GDA: variants seen among roughly 807,000 people sequenced by gnomAD.
The protein encoded by GDA is cytoplasmic PSD-95 interactor.
GDA carries 18 observed loss-of-function variants against 59.6 expected under a neutral mutation model. That is an observed-to-expected ratio of 0.30 (90% CI 0.21 to 0.45). The LOEUF is 0.45. Ranked by LOEUF, GDA falls within the 20% of genes least tolerant of loss-of-function variation. The probability of loss-of-function intolerance (pLI) is 1.00; values close to 1 mark genes in which losing one functional copy is unlikely to be tolerated. For missense variants in GDA, 427 were observed against 552.3 expected (o/e 0.77, Z 2.27); for synonymous variants, 201 against 201.1 (o/e 1.00, Z 0.00).
Position 72,207,500 on chromosome 9 carries a change from T to C in GDA, c.385-3187T>C, listed in dbSNP as rs1232525865. Among the ~76,000 whole-genome samples, 3 of 152,368 alleles carry C rather than the reference T, an allele frequency of 2.0e-5. No individual in the cohort carries two copies. In the East Asian group the frequency reaches 5.8e-4, roughly 29 times the overall value. On this transcript the variant is annotated intron_variant, in intron 3 of 13. Coordinates refer to ENST00000358399, the MANE Select transcript of GDA (RefSeq NM_004293.5). ...TTTTCATTCATTTTATGTCTCTTGTTGTTTTAGTAATTCTGCTTCCTCAGG... is the reference window on the plus strand; with the variant it reads ...TTTTCATTCATTTTATGTCTCTTGTCGTTTTAGTAATTCTGCTTCCTCAGG...
At chr9:72,171,770 C>T (rs1262973179) in intron 1 of GDA, among the ~76,000 whole-genome samples, 1 of 152,034 alleles carries the variant, frequency 6.6e-6, no homozygotes, top group Non-Finnish European at 1.5e-5. Flanking sequence ...AACTTAAAGG[C>T]CCCTCAGGGT....
intron 1 of GDA, among the ~76,000 whole-genome samples, chr9:72,182,725 TATG>T (rs1373292047): frequency 1.3e-5 from 2 of 152,228 alleles, no homozygotes; most frequent in Non-Finnish European, 2.9e-5. Flanking sequence ...ATCATTTTTT[TATG>T]ATGATGGATG....
intron 8 of GDA, among the ~76,000 whole-genome samples, chr9:72,226,850 G>A (rs1275842462): frequency 6.6e-6 from 1 of 152,122 alleles, no homozygotes; most frequent in Non-Finnish European, 1.5e-5. Flanking sequence ...GGGCCTGGTG[G>A]CTCATGTCTG....
intron 1 of GDA, among the ~76,000 whole-genome samples, chr9:72,177,494 C>A (rs1830683484): frequency 1.3e-5 from 2 of 151,656 alleles, no homozygotes; most frequent in Admixed American, 6.6e-5. Context: ...ATTTAGTATT[C>A]ATTAGTATTC....
intron 1 of GDA, among the ~76,000 whole-genome samples, chr9:72,168,156 G>A (rs779587036): frequency 2.0e-5 from 3 of 152,130 alleles, no homozygotes; most frequent in African/African-American, 4.8e-5. Flanking sequence ...CAGCAGATTG[G>A]GAGGCCAAAG....
At chr9:72,219,334 C>G in intron 5 of GDA, 145 bp from the exon 6 acceptor site, 1 of 552,918 alleles carries the variant, frequency 1.8e-6, no homozygotes. Context: ...ACCCGGGAGG[C>G]GGAGCTTGCA....
At position 72,223,198 on chromosome 9, in the gene GDA, A is replaced by T. The variant is rs1381997402; in HGVS notation, c.685A>T (p.Ile229Phe). ...GACTTTGATGGGTGAACTGGGCAAC[A>T]TTGCTAAAACCCGTGATTTGCACAT... The part of the protein sequence containing the change: ...SETLMGELGN[I>F]AKTRDLHIQS... Residue 229 changes from isoleucine to phenylalanine, a missense_variant, in exon 7 of 14, where the codon ATT becomes TTT. Physicochemically the swap from Ile to Phe is conservative, Grantham distance 21. Coordinates refer to ENST00000358399, the MANE Select transcript of GDA (RefSeq NM_004293.5). 14 of 1,612,358 alleles carry T rather than the reference A, an allele frequency of 8.7e-6. No individual in the cohort carries two copies. In the Admixed American group the frequency reaches 1.7e-4, roughly 19 times the overall value.
intron 3 of GDA, among the ~76,000 whole-genome samples, chr9:72,208,332 G>A (rs1834970530): frequency 6.6e-6 from 1 of 152,154 alleles, no homozygotes; most frequent in East Asian, 1.9e-4. Flanking sequence ...CTAATAACAG[G>A]CAAAACGTAA....
chr9:72,185,788 T>A (rs943328286), intron 1 of GDA, among the ~76,000 whole-genome samples: 1 of 152,194 alleles, frequency 6.6e-6, no homozygotes, highest in African/African-American at 2.4e-5. Flanking sequence ...TTGCAGCAGT[T>A]TTTTTCATTA....
chr9:72,252,183 T>C lies in GDA; in HGVS notation c.*3841T>C, dbSNP rs1424636838. ...TGTTATTGTGCTGAGTGAGCTCCTG[T>C]GTGCTTCAGACAAAAATAAATGAGA... On this transcript the variant is annotated 3_prime_UTR_variant, in exon 14 of 14. Transcript: ENST00000358399. 1 of 152,670 alleles carries C rather than the reference T, an allele frequency of 6.6e-6. No individual in the cohort carries two copies. Among genetic ancestry groups the C allele is most frequent in the Non-Finnish European group, 1.5e-5 (1 of 68,036 alleles). 9.5% of individuals were successfully genotyped at this position (152,670 alleles called of 1,614,324 possible). A position where few individuals can be genotyped will look rare whatever the true frequency, so the allele number is the denominator to read the frequency against.
chr9:72,148,300 GGTGTGTGTATGTGTGT>G (rs1018444910), upstream of GDA, among the ~76,000 whole-genome samples: 7 of 119,692 alleles, frequency 5.8e-5, no homozygotes, highest in African/African-American at 2.3e-4. Context: ...TTCTGTTATT[GGTGTGTGTATGTGTGT>G]GTGTGTGTGT....
At chr9:72,241,383 G>A in intron 11 of GDA, 85 bp downstream of exon 11, 1 of 1,016,674 alleles carries the variant, frequency 9.8e-7, no homozygotes, top group Non-Finnish European at 1.4e-6. Flanking sequence ...TGCATGATTG[G>A]TATTAGGAAA....
In GDA at chr9:72,249,796, A is replaced by T; in HGVS notation, c.*1454A>T. ...TGACTCTTTAATATTACCTTATAGT[A>T]GAAACTTTATGTAATATAGCTAACT... is the stretch of plus-strand genomic sequence containing the variant. On this transcript the variant is annotated 3_prime_UTR_variant, in exon 14 of 14. Coordinates refer to ENST00000358399, the MANE Select transcript of GDA (RefSeq NM_004293.5). 2.3e-6 allele frequency: 2 copies of T among 865,358 alleles called. No individual in the cohort carries two copies. The highest frequency in any genetic ancestry group is 2.8e-6 in the Non-Finnish European group (2 of 720,466). 53.6% of individuals were successfully genotyped at this position (865,358 alleles called of 1,614,324 possible). A position where few individuals can be genotyped will look rare whatever the true frequency, so the allele number is the denominator to read the frequency against.
At chr9:72,131,802 C>T (rs1826036624) in intron 1 of GDA, among the ~76,000 whole-genome samples, 2 of 152,208 alleles carry the variant, frequency 1.3e-5, no homozygotes, top group Non-Finnish European at 2.9e-5. Context: ...AAATGCTCGA[C>T]TGCTATGGGA....
At chr9:72,220,813 C>T (rs930440418) in intron 6 of GDA, among the ~76,000 whole-genome samples, 7 of 152,090 alleles carry the variant, frequency 4.6e-5, no homozygotes, top group African/African-American at 1.7e-4. Context: ...CTGTCTTGGT[C>T]CCTATGTGTG....
intron 7 of GDA, among the ~76,000 whole-genome samples, chr9:72,224,583 AC>A (rs1413855289): frequency 6.6e-6 from 1 of 151,922 alleles, no homozygotes; most frequent in Non-Finnish European, 1.5e-5. Flanking sequence ...TTTCTTGATG[AC>A]CGTGGAATTT....
chr9:72,231,629 T>C lies in GDA; in HGVS notation c.988+448T>C, dbSNP rs7863465. Among the ~76,000 whole-genome samples the C allele has an allele frequency of 6.9e-3, 1,044 of 152,210 alleles. 14 individuals carry two copies. Among genetic ancestry groups the C allele is most frequent in the African/African-American group, 0.024 (1,005 of 41,536 alleles). ...TTGATGATACTGACCTCCTGAAAGC[T>C]GTTATCCCTGTTTATTATTCAAAGA... On this transcript the variant is annotated intron_variant, in intron 10 of 13. Transcript: ENST00000358399.
At chr9:72,136,683 T>A (rs12352890) in intron 1 of GDA, among the ~76,000 whole-genome samples, 2 of 152,050 alleles carry the variant, frequency 1.3e-5, no homozygotes, top group Non-Finnish European at 2.9e-5. Context: ...CTCATTAAAA[T>A]ATACATATGA....
chr9:72,118,295 A>AAAAG (rs1345400547), intron 1 of GDA, among the ~76,000 whole-genome samples: 14 of 150,792 alleles, frequency 9.3e-5, no homozygotes, highest in Admixed American at 7.9e-4. Context: ...AAAAAAAAAA[A>AAAAG]AAGAATGTAA....
Sources: gnomAD v4.1 joint callset for allele counts (sites outside exome capture counted in the v4.1 genomes callset) on GRCh38, gnomAD v4.1.1 for gene constraint, MANE v1.5 for transcripts, NCBI Gene and HGNC (gene_info 2026-07-23, HGNC 2026-07-21) for gene names.